The following ANXA2 variants were observed in gnomAD, a reference collection of about 807,000 sequenced individuals.
The protein encoded by ANXA2 is annexin II.
A neutral mutation model predicts 47.3 loss-of-function variants in ANXA2; 28 were observed. The ratio of observed to expected loss-of-function variants is 0.59; its 90% CI spans 0.44 to 0.81. ANXA2 has a LOEUF of 0.81. Ranked by LOEUF, ANXA2 falls within the 40% of genes least tolerant of loss-of-function variation. The pLI, the probability that ANXA2 is intolerant of heterozygous loss-of-function variation, is 0.00. For missense variants in ANXA2, 384 were observed against 414.3 expected (o/e 0.93, Z 0.64); for synonymous variants, 172 against 155.5 (o/e 1.11, Z -0.79).
At chr15:60,375,804 T>C (rs2062768181) in intron 3 of ANXA2, among the ~76,000 whole-genome samples, 1 of 152,188 alleles carries the variant, frequency 6.6e-6, no homozygotes, top group African/African-American at 2.4e-5. Flanking sequence ...TTCTCCCCCC[T>C]TCTCATAAGC....
At chr15:60,357,836 A>G (rs1040473548) in intron 5 of ANXA2, among the ~76,000 whole-genome samples, 1 of 152,112 alleles carries the variant, frequency 6.6e-6, no homozygotes, top group African/African-American at 2.4e-5. Flanking sequence ...CAGCAATAGA[A>G]TATGCCAAAA....
At chr15:60,370,921 A>G (rs2062701920) in intron 3 of ANXA2, among the ~76,000 whole-genome samples, 1 of 152,186 alleles carries the variant, frequency 6.6e-6, no homozygotes, top group Non-Finnish European at 1.5e-5. Context: ...GATATGAGTG[A>G]TCACAAAGTC....
At position 60,352,902 on chromosome 15, in the gene ANXA2, G is replaced by A. The variant is rs1162011105; in HGVS notation, c.589-426C>T. Among the ~76,000 whole-genome samples, 1 of 152,144 alleles carries A rather than the reference G, an allele frequency of 6.6e-6. No individual in the cohort carries two copies. Among genetic ancestry groups the A allele is most frequent in the Non-Finnish European group, 1.5e-5 (1 of 68,024 alleles). ...CATTCTCAAGCTTCTCAGAGACTCA[G>A]GGAGTGATGGAGCTGGAAAAGGAGC... is the stretch of plus-strand genomic sequence containing the variant. On this transcript the variant is annotated intron_variant, in intron 8 of 12. Coordinates refer to ENST00000451270, the MANE Select transcript of ANXA2 (RefSeq NM_004039.3). The surrounding 1 kb of genome is among the most constrained non-coding windows in gnomAD (Gnocchi z 4.2).
chr15:60,351,921 G>T, intron 9 of ANXA2, 102 bp from the exon 10 acceptor site: 1 of 820,760 alleles, frequency 1.2e-6, no homozygotes, highest in Non-Finnish European at 2.0e-6. Context: ...TAAAAATTGA[G>T]GATGATCACA....
intron 3 of ANXA2, among the ~76,000 whole-genome samples, chr15:60,365,021 A>T (rs1419843728): frequency 1.5e-5 from 1 of 65,482 alleles, no homozygotes; most frequent in African/African-American, 5.1e-5. Flanking sequence ...AAAAACTGTC[A>T]TGACAAATGA....
intron 12 of ANXA2, 75 bp downstream of exon 12, chr15:60,349,000 A>T: frequency 6.3e-7 from 1 of 1,583,642 alleles, no homozygotes; most frequent in Non-Finnish European, 8.6e-7. Context: ...CTCTGTCATC[A>T]TTCTGCCAGG....
chr15:60,393,792 G>C (rs992944675), intron 1 of ANXA2, among the ~76,000 whole-genome samples: 1 of 152,064 alleles, frequency 6.6e-6, no homozygotes, highest in Non-Finnish European at 1.5e-5. Flanking sequence ...CCGCCCACAG[G>C]GTTTCCAACT....
At chr15:60,396,991 T>A (rs1359580874) in intron 1 of ANXA2, among the ~76,000 whole-genome samples, 1 of 152,206 alleles carries the variant, frequency 6.6e-6, no homozygotes, top group African/African-American at 2.4e-5. Flanking sequence ...TTTTGAAATC[T>A]CCAATAACTC....
Position 60,397,982 on chromosome 15 carries a change from T to C in ANXA2, c.-51A>G, listed in dbSNP as rs2140955071. The C allele has an allele frequency of 8.2e-7, 1 of 1,223,976 alleles. No homozygotes were observed. Among genetic ancestry groups the C allele is most frequent in the East Asian group, 3.2e-5 (1 of 31,460 alleles). The allele number at this position is 1,223,976 out of a possible 1,614,324, so 75.8% of individuals were successfully genotyped here. Reference sequence around the variant, plus strand: ...GAGAGCTGAGAGCGTCCCCAAATGCTGAGCAGAGCCGGCTGGCCTGGGTGG... The same window carrying C: ...GAGAGCTGAGAGCGTCCCCAAATGCCGAGCAGAGCCGGCTGGCCTGGGTGG... On this transcript the variant is annotated 5_prime_UTR_variant, in exon 1 of 13. Transcript: ENST00000451270.
At chr15:60,348,745 CA>C (rs35692360) in intron 12 of ANXA2, among the ~76,000 whole-genome samples, 1,338 of 119,802 alleles carry the variant, frequency 0.011, 24 homozygotes, top group African/African-American at 0.038. Flanking sequence ...GACTCCGTCT[CA>C]AAAAAAAAAA....
chr15:60,354,234 A>C (rs2062390832), intron 7 of ANXA2, 21 bp from the exon 8 acceptor site: 3 of 1,581,790 alleles, frequency 1.9e-6, no homozygotes, highest in Non-Finnish European at 2.6e-6. Flanking sequence ...AAGAAAAAGA[A>C]CTTCAAATAC....
chr15:60,348,381 T>C (rs558025458), intron 12 of ANXA2, among the ~76,000 whole-genome samples: 6 of 152,288 alleles, frequency 3.9e-5, no homozygotes, highest in Admixed American at 1.3e-4. Flanking sequence ...ATTGGAGAGA[T>C]GGGAGTTCTG....
Position 60,382,334 on chromosome 15 carries a change from T to G in ANXA2, c.148+8A>C, listed in dbSNP as rs1466461061. On this transcript the variant is annotated splice_region_variant and intron_variant, in intron 3 of 12. Coordinates refer to ENST00000451270, the MANE Select transcript of ANXA2 (RefSeq NM_004039.3). ...CCCTGACAAGAAGAGGACAAATGTA[T>G]CACCTACCTTTGGTCTTGATGGCTG... is the stretch of plus-strand genomic sequence containing the variant. 6.2e-7 allele frequency: 1 copy of G among 1,602,032 alleles called. No homozygotes were observed. Among genetic ancestry groups the G allele is most frequent in the South Asian group, 1.1e-5 (1 of 90,828 alleles).
At chr15:60,367,471 G>A (rs2062644536) in intron 3 of ANXA2, among the ~76,000 whole-genome samples, 1 of 51,750 alleles carries the variant, frequency 1.9e-5, no homozygotes. Flanking sequence ...CGGCCGCCCC[G>A]TCCGGGAGGT....
Position 60,347,650 on chromosome 15 carries a change from G to T in ANXA2, c.1000C>A (p.Leu334Met). The T allele has an allele frequency of 6.2e-7, 1 of 1,614,174 alleles. No homozygotes were observed. The change falls in exon 13 of 13, where the codon CTG (leucine) becomes ATG (methionine). Residue 334 changes from leucine (L) to methionine (M), a missense_variant. By Grantham distance (15) the Leu-to-Met change is conservative. Coordinates refer to ENST00000451270, the MANE Select transcript of ANXA2 (RefSeq NM_004039.3). Reference protein sequence around the residue: ...KGDYQKALLYLCGGDD With the variant: ...KGDYQKALLYMCGGDD ...GGGCTTCAGTCATCTCCACCACACA[G>T]GTACAGCAGCGCTTTCTGGTAGTCG... is the stretch of plus-strand genomic sequence containing the variant.
rs1027471090 is a variant in ANXA2, at chr15:60,358,719, A to G, written c.358-1483T>C. ...AAAGGTCCATACAGCATTCTACACAAATGTTATTAAATGACTACCGAGTAT... is the reference window on the plus strand; with the variant it reads ...AAAGGTCCATACAGCATTCTACACAGATGTTATTAAATGACTACCGAGTAT... On this transcript the variant is annotated intron_variant, in intron 5 of 12. Transcript: ENST00000451270. Among the ~76,000 whole-genome samples, 9 of 152,338 alleles carry G rather than the reference A, an allele frequency of 5.9e-5. No homozygotes were observed. The South Asian group carries it at 1.9e-3, about 32-fold the overall frequency.
chr15:60,395,142 G>A (rs2063064636), intron 1 of ANXA2, among the ~76,000 whole-genome samples: 1 of 152,182 alleles, frequency 6.6e-6, no homozygotes, highest in South Asian at 2.1e-4. Flanking sequence ...AAGGGGAAAT[G>A]AACTCCCACC....
intron 7 of ANXA2, 41 bp downstream of exon 7, chr15:60,355,878 T>C (rs919219602): frequency 9.9e-6 from 15 of 1,517,478 alleles, no homozygotes; most frequent in Non-Finnish European, 1.3e-5. Flanking sequence ...TGACTTGCCT[T>C]GGGAGGAAGC....
At chr15:60,391,811 A>G (rs142048204) in intron 1 of ANXA2, among the ~76,000 whole-genome samples, 3 of 152,284 alleles carry the variant, frequency 2.0e-5, no homozygotes, top group Middle Eastern at 3.4e-3. Context: ...AGACTTCTCT[A>G]AAGAACATGA....
Sources: gnomAD v4.1 joint callset for allele counts (sites outside exome capture counted in the v4.1 genomes callset) on GRCh38, gnomAD v4.1.1 for gene constraint, Gnocchi (gnomAD v3.1) non-coding constraint, MANE v1.5 for transcripts, NCBI Gene and HGNC (gene_info 2026-07-23, HGNC 2026-07-21) for gene names.